The following PKP1 variants were observed in gnomAD, a reference collection of about 807,000 sequenced individuals.
PKP1 encodes the protein plakophilin 1.
A neutral mutation model predicts 76.4 loss-of-function variants in PKP1; 27 were observed. The ratio of observed to expected loss-of-function variants is 0.35; its 90% CI spans 0.26 to 0.49. PKP1 has a LOEUF of 0.49. Ranked by LOEUF, PKP1 falls within the 20% of genes least tolerant of loss-of-function variation. PKP1 has a pLI of 0.99. For missense variants in PKP1, 964 were observed against 955.2 expected (o/e 1.01, Z -0.12); for synonymous variants, 404 against 384.2 (o/e 1.05, Z -0.60).
At chr1:201,316,905 C>T (rs888656619) in intron 4 of PKP1, among the ~76,000 whole-genome samples, 1 of 152,202 alleles carries the variant, frequency 6.6e-6, no homozygotes, top group Non-Finnish European at 1.5e-5. Flanking sequence ...GGACATTAGG[C>T]AGGTACAATT....
At chr1:201,325,717 G>T in intron 11 of PKP1, 37 bp from the exon 12 acceptor site, 3 of 1,515,846 alleles carry the variant, frequency 2.0e-6, no homozygotes, top group Non-Finnish European at 2.8e-6. Flanking sequence ...ACACCTCCTG[G>T]AATCTCATCT....
chr1:201,308,753 T>C (rs1656442974), intron 2 of PKP1, among the ~76,000 whole-genome samples: 1 of 151,932 alleles, frequency 6.6e-6, no homozygotes, highest in Non-Finnish European at 1.5e-5. Context: ...CTGGGGAGTT[T>C]GTCTTGTAAG....
intron 1 of PKP1, among the ~76,000 whole-genome samples, chr1:201,286,536 G>A (rs1655744741): frequency 6.6e-6 from 1 of 152,162 alleles, no homozygotes; most frequent in Admixed American, 6.5e-5. Context: ...AAGGGCCCCT[G>A]GAGCCTGTCA....
chr1:201,301,794 C>A (rs1286030001), intron 2 of PKP1, among the ~76,000 whole-genome samples: 1 of 151,556 alleles, frequency 6.6e-6, no homozygotes, highest in Non-Finnish European at 1.5e-5. Flanking sequence ...TATTTAAAGT[C>A]CTTACGCTAT....
At chr1:201,311,309 C>T (rs889640040) in intron 2 of PKP1, among the ~76,000 whole-genome samples, 1 of 152,218 alleles carries the variant, frequency 6.6e-6, no homozygotes, top group South Asian at 2.1e-4. Flanking sequence ...GCTGCTCTCC[C>T]CATGCCTTGT....
In PKP1 at chr1:201,332,333, AGGCAGACTATTAG is replaced by A. The variant is rs1377784017; in HGVS notation, c.*2298_*2310del. 6.6e-6 allele frequency: 1 copy of A among 152,266 alleles called. No homozygotes were observed. The highest frequency in any genetic ancestry group is 6.5e-5 in the Admixed American group (1 of 15,284). 9.4% of individuals were successfully genotyped at this position (152,266 alleles called of 1,614,324 possible). A position where few individuals can be genotyped will look rare whatever the true frequency, so the allele number is the denominator to read the frequency against. ...GCAGCCTTCCAGACCTCAGGGGCTG[AGGCAGACTATTAG>A]GGCAGGGCTGACTTTGGTGACACTG... On this transcript the variant is annotated 3_prime_UTR_variant, in exon 14 of 14. Coordinates refer to ENST00000367324, the MANE Select transcript of PKP1 (RefSeq NM_001005337.3).
intron 9 of PKP1, among the ~76,000 whole-genome samples, chr1:201,323,906 G>C (rs983140242): frequency 1.3e-5 from 2 of 152,090 alleles, no homozygotes; most frequent in African/African-American, 4.8e-5. Context: ...TACCTCTAGG[G>C]GACCCCAGTT....
At chr1:201,311,897 G>A (rs1779283) in intron 2 of PKP1, among the ~76,000 whole-genome samples, 75,557 of 152,202 alleles carry the variant, frequency 0.5, 22,758 homozygotes, top group East Asian at 0.74. Flanking sequence ...AGTCCTCCTC[G>A]GACAGTTCTG....
chr1:201,317,954 G>C (rs1046915148), intron 5 of PKP1, among the ~76,000 whole-genome samples, 175 bp downstream of exon 5: 2 of 152,224 alleles, frequency 1.3e-5, no homozygotes, highest in Non-Finnish European at 2.9e-5. Flanking sequence ...CCCAATTAGG[G>C]GTGTCCAGAG....
chr1:201,309,201 T>C (rs1438751191), intron 2 of PKP1, among the ~76,000 whole-genome samples: 5 of 151,940 alleles, frequency 3.3e-5, no homozygotes, highest in Non-Finnish European at 5.9e-5. Context: ...GGTTGGCCTC[T>C]GAGAGCTTCC....
rs530674306 is a variant in PKP1, at chr1:201,285,397, C to A, written c.202+1493C>A. Among the ~76,000 whole-genome samples, 4 of 152,214 alleles carry A rather than the reference C, an allele frequency of 2.6e-5. 1 individual carries two copies. The South Asian group carries it at 8.3e-4, about 32-fold the overall frequency. ...ACTTCCTGGGCCCCAGACCTAAAGG[C>A]CTTTGCTTCTCTGTGTGCTCTTTGC... On this transcript the variant is annotated intron_variant, in intron 1 of 13. Coordinates refer to ENST00000367324, the MANE Select transcript of PKP1 (RefSeq NM_001005337.3).
rs536481505 is a variant in PKP1, at chr1:201,317,645, C to T, written c.920C>T (p.Ala307Val). 4.4e-5 allele frequency: 71 copies of T among 1,613,910 alleles called. 1 individual carries two copies. The highest frequency in any genetic ancestry group is 3.4e-4 in the South Asian group (31 of 91,086). The change falls in exon 5 of 14, where the codon GCG (alanine) becomes GTG (valine). Residue 307 changes from alanine to valine, a missense_variant. Transcript: ENST00000367324. ...RSPNQNVQQA[A>V]AGALRNLVFR... ...CCCAACCAGAACGTCCAGCAGGCCG[C>T]GGCAGGGGCCCTGCGCAACCTGGTG...
rs1657099895 is a variant in PKP1 at position 201,325,735 on chromosome 1, G to A, written c.2022-19G>A. 1 of 1,594,622 alleles carries A rather than the reference G, an allele frequency of 6.3e-7. No individual in the cohort carries two copies. Among genetic ancestry groups the A allele is most frequent in the Non-Finnish European group, 8.6e-7 (1 of 1,162,324 alleles). On this transcript the variant is annotated intron_variant, in intron 11 of 13. Coordinates refer to ENST00000367324, the MANE Select transcript of PKP1 (RefSeq NM_001005337.3). Reference sequence around the variant, plus strand: ...CCTCCTGGAATCTCATCTCACAAATGCACTTCTCACCTGCCCAGTGCCTCA... The same window carrying A: ...CCTCCTGGAATCTCATCTCACAAATACACTTCTCACCTGCCCAGTGCCTCA...
rs886045809 is a variant in PKP1, at chr1:201,316,670, C to T, written c.819C>T (p.Cys273=). 1 of 1,613,992 alleles carries T rather than the reference C, an allele frequency of 6.2e-7. No homozygotes were observed. Among genetic ancestry groups the T allele is most frequent in the Non-Finnish European group, 8.5e-7 (1 of 1,180,018 alleles). Reference sequence around the variant, plus strand: ...GGGCCTATTACATCCAGCATACCTGCTTCCAGGATGAATCTGCCAAGCAAC... The same window carrying T: ...GGGCCTATTACATCCAGCATACCTGTTTCCAGGATGAATCTGCCAAGCAAC... ...AIGAYYIQHT[C]FQDESAKQQV... is the part of the protein sequence containing the mutation. The change falls in exon 4 of 14, where the codon TGC becomes TGT. Residue 273 remains cysteine (C), a synonymous_variant. Coordinates refer to ENST00000367324, the MANE Select transcript of PKP1 (RefSeq NM_001005337.3).
chr1:201,319,970 ACTGAGTGCAAATGAGAC>A, intron 6 of PKP1: 1 of 1,389,110 alleles, frequency 7.2e-7, no homozygotes, highest in Admixed American at 1.7e-5. Flanking sequence ...GAGGAGAAGA[ACTGAGTGCAAATGAGAC>A]CTCATTTCAG....
rs771050304 is a variant in PKP1, at chr1:201,317,615, G to A, written c.890G>A (p.Arg297His). 1.4e-5 allele frequency: 23 copies of A among 1,613,858 alleles called. No individual in the cohort carries two copies. The highest frequency in any genetic ancestry group is 1.9e-5 in the Non-Finnish European group (22 of 1,180,002). ...ATCTGCAAGCTGGTGGACCTCCTCC[G>A]CAGCCCCAACCAGAACGTCCAGCAG... The part of the protein sequence containing the change: ...GGICKLVDLL[R>H]SPNQNVQQAA... The change falls in exon 5 of 14, where the codon CGC (arginine) becomes CAC (histidine). Residue 297 changes from arginine to histidine, a missense_variant. Transcript: ENST00000367324.
intron 8 of PKP1, among the ~76,000 whole-genome samples, chr1:201,322,671 C>T (rs1571562232): frequency 6.6e-6 from 1 of 152,282 alleles, no homozygotes; most frequent in Middle Eastern, 3.4e-3. Flanking sequence ...GAGGAGGAAG[C>T]ATCATGATGG....
intron 1 of PKP1, among the ~76,000 whole-genome samples, chr1:201,291,697 C>T (rs1042787153): frequency 2.6e-5 from 4 of 152,232 alleles, no homozygotes; most frequent in Admixed American, 2.6e-4. Flanking sequence ...GACTGACCCA[C>T]ACCTGACCTT....
At chr1:201,319,783 C>A (rs1241283459) in intron 6 of PKP1, 1 of 1,611,532 alleles carries the variant, frequency 6.2e-7, no homozygotes, top group Admixed American at 1.7e-5. Context: ...CACTTCTGAT[C>A]CAGCATCAAC....
Sources: allele counts gnomAD v4.1 joint callset (sites outside exome capture counted in the v4.1 genomes callset), GRCh38; gene constraint gnomAD v4.1.1; transcripts MANE v1.5; gene names NCBI Gene and HGNC (gene_info 2026-07-23, HGNC 2026-07-21).